TASP1: variants seen among roughly 807,000 people sequenced by gnomAD.
TASP1 encodes threonine aspartase 1.
In TASP1, 16 loss-of-function variants were observed where a neutral mutation model predicts 56.6. The ratio of observed to expected loss-of-function variants is 0.28; its 90% CI spans 0.19 to 0.43. The LOEUF is 0.43. Ranked by LOEUF, TASP1 falls within the 20% of genes least tolerant of loss-of-function variation. TASP1 has a pLI of 1.00. For synonymous variants in TASP1, 179 were observed against 184.2 expected, an observed-to-expected ratio of 0.97 and a Z score of 0.23; for missense variants, 393 against 511.6, an observed-to-expected ratio of 0.77 and a Z score of 2.24.
chr20:13,533,413 C>T (rs560655790), intron 9 of TASP1, among the ~76,000 whole-genome samples: 22 of 151,890 alleles, frequency 1.4e-4, no homozygotes, highest in African/African-American at 4.1e-4. Context: ...AAATGAGAGA[C>T]GGGGGAAAGG....
chr20:13,287,430 C>A, the TASP1 span, among the ~76,000 whole-genome samples: 3 of 152,150 alleles, frequency 2.0e-5, no homozygotes, highest in Admixed American at 2.0e-4. Flanking sequence ...GGAATTATTA[C>A]AATTCAAGGT....
chr20:13,387,184 A>ATTT (rs779048448), downstream of TASP1, among the ~76,000 whole-genome samples: 35 of 70,698 alleles, frequency 5.0e-4, 3 homozygotes, highest in African/African-American at 1.3e-3. Context: ...ACATGATTTC[A>ATTT]TTTTTTTTTT....
intron 13 of TASP1, among the ~76,000 whole-genome samples, chr20:13,410,686 A>C (rs1427202625): frequency 1.3e-5 from 2 of 151,738 alleles, no homozygotes; most frequent in African/African-American, 4.8e-5. Flanking sequence ...TTTTTTTTTA[A>C]ACATTGAGTT....
At chr20:13,513,821 C>T (rs1210417288) in intron 10 of TASP1, among the ~76,000 whole-genome samples, 1 of 151,944 alleles carries the variant, frequency 6.6e-6, no homozygotes, top group East Asian at 1.9e-4. Context: ...ATTCCAGATA[C>T]AAATGTTATA....
intron 4 of TASP1, among the ~76,000 whole-genome samples, chr20:13,619,208 T>C (rs763712173): frequency 7.2e-5 from 11 of 152,168 alleles, no homozygotes; most frequent in Admixed American, 1.3e-4. Context: ...CCTATCACTA[T>C]TCTTAATACA....
intron 2 of TASP1, among the ~76,000 whole-genome samples, chr20:13,627,900 C>T (rs759712967): frequency 5.3e-5 from 8 of 152,046 alleles, no homozygotes; most frequent in Non-Finnish European, 7.3e-5. Flanking sequence ...ATCACTGCCC[C>T]TTCTCACAAA....
chr20:13,224,666 C>A, the TASP1 span, among the ~76,000 whole-genome samples: 1 of 151,532 alleles, frequency 6.6e-6, no homozygotes, highest in East Asian at 1.9e-4. Context: ...GTTTATTTAC[C>A]TGAATTGTAG....
intron 4 of TASP1, among the ~76,000 whole-genome samples, chr20:13,613,515 G>A (rs144224861): frequency 1.5e-4 from 23 of 151,820 alleles, no homozygotes; most frequent in Non-Finnish European, 2.8e-4. Flanking sequence ...ATTCATTTTC[G>A]GGTCACTGAA....
the TASP1 span, among the ~76,000 whole-genome samples, chr20:13,206,991 T>C: frequency 1.3e-5 from 2 of 152,236 alleles, no homozygotes; most frequent in East Asian, 3.8e-4. Context: ...CAAGATTTTA[T>C]ATAGAATTTG....
At chr20:13,484,607 G>A (rs2043255419) in intron 10 of TASP1, among the ~76,000 whole-genome samples, 1 of 151,834 alleles carries the variant, frequency 6.6e-6, no homozygotes, top group South Asian at 2.1e-4. Flanking sequence ...TGTAGTGGCA[G>A]GTGCCTTAAT....
intron 8 of TASP1, among the ~76,000 whole-genome samples, chr20:13,537,590 T>C (rs1322323855): frequency 6.6e-6 from 1 of 152,162 alleles, no homozygotes; most frequent in Admixed American, 6.6e-5. Context: ...TTACACTCTA[T>C]AAATACTTAA....
At chr20:13,633,972 T>G (rs1428106389) in intron 1 of TASP1, among the ~76,000 whole-genome samples, 1 of 152,206 alleles carries the variant, frequency 6.6e-6, no homozygotes, top group Admixed American at 6.5e-5. Context: ...ACTGGCAACT[T>G]GTCTATCCTC....
the TASP1 span, among the ~76,000 whole-genome samples, chr20:13,169,921 T>C: frequency 3.3e-5 from 5 of 152,198 alleles, no homozygotes; most frequent in African/African-American, 1.2e-4. Flanking sequence ...TCTTAATTTA[T>C]TCTTCTTTTC....
At chr20:13,584,085 A>AAAAT (rs1357237347) in intron 5 of TASP1, among the ~76,000 whole-genome samples, 8 of 152,244 alleles carry the variant, frequency 5.3e-5, no homozygotes, top group Admixed American at 2.6e-4. Flanking sequence ...CTCCATCTCA[A>AAAAT]AAATAAATAA....
At chr20:13,208,649 G>A in the TASP1 span, among the ~76,000 whole-genome samples, 6 of 152,148 alleles carry the variant, frequency 3.9e-5, no homozygotes, top group African/African-American at 9.7e-5. Context: ...GTATAGGCTC[G>A]CATCTCACAA....
the TASP1 span, among the ~76,000 whole-genome samples, chr20:13,153,331 C>A: frequency 6.6e-6 from 1 of 152,198 alleles, no homozygotes; most frequent in Non-Finnish European, 1.5e-5. Context: ...ATAACCTTGA[C>A]ATGGACCCAT....
the TASP1 span, among the ~76,000 whole-genome samples, chr20:13,325,288 G>A: frequency 6.6e-6 from 1 of 152,170 alleles, no homozygotes; most frequent in Non-Finnish European, 1.5e-5. Flanking sequence ...TCTGAAATGC[G>A]AGGTTGCACA....
At chr20:13,138,707 A>G in the TASP1 span, among the ~76,000 whole-genome samples, 3 of 152,116 alleles carry the variant, frequency 2.0e-5, no homozygotes, top group Non-Finnish European at 4.4e-5. Context: ...TACTTCATGG[A>G]TGGGTGCATG....
At chr20:13,116,099 C>T in the TASP1 span, among the ~76,000 whole-genome samples, 2 of 152,186 alleles carry the variant, frequency 1.3e-5, no homozygotes, top group African/African-American at 4.8e-5. Flanking sequence ...TCGTGGAACA[C>T]ACAAATGCTG....
Sources: gnomAD v4.1 joint callset for allele counts (sites outside exome capture counted in the v4.1 genomes callset) on GRCh38, gnomAD v4.1.1 for gene constraint, MANE v1.5 for transcripts, NCBI Gene and HGNC (gene_info 2026-07-23, HGNC 2026-07-21) for gene names.